The following CDH20 variants were observed in gnomAD, a reference collection of about 807,000 sequenced individuals.
CDH20 encodes the protein cadherin 20, also known as cadherin-20.
A neutral mutation model predicts 74.2 loss-of-function variants in CDH20; 29 were observed. That is an observed-to-expected ratio of 0.39 (90% confidence interval 0.29 to 0.53). CDH20 has a LOEUF of 0.53. CDH20 is among the 20% of genes least tolerant of loss of function. The pLI is 0.69. For missense variants in CDH20, 988 were observed against 1,048.3 expected (o/e 0.94, Z 0.79); for synonymous variants, 469 against 405.4 (o/e 1.16, Z -1.88).
At chr18:61,458,900 ATTTC>A (rs1463451204) in intron 1 of CDH20, among the ~76,000 whole-genome samples, 3 of 152,086 alleles carry the variant, frequency 2.0e-5, no homozygotes, top group African/African-American at 7.2e-5. Flanking sequence ...TGGCTTGTTG[ATTTC>A]TTTTATTATC....
At chr18:61,502,527 G>A (rs950581546) in intron 4 of CDH20, among the ~76,000 whole-genome samples, 10 of 152,102 alleles carry the variant, frequency 6.6e-5, no homozygotes, top group African/African-American at 2.4e-4. Flanking sequence ...GGGCTCTAGG[G>A]GCTGAAGAAA....
intron 11 of CDH20, 122 bp downstream of exon 11, chr18:61,550,351 T>C: frequency 8.1e-7 from 1 of 1,235,122 alleles, no homozygotes; most frequent in African/African-American, 1.5e-5. Flanking sequence ...ACTCAAAAGG[T>C]GGTAGAGTGA....
At chr18:61,340,897 TTTC>T (rs1279572952) in intron 1 of CDH20, among the ~76,000 whole-genome samples, 1 of 152,234 alleles carries the variant, frequency 6.6e-6, no homozygotes, top group African/African-American at 2.4e-5. Flanking sequence ...CAAATATATG[TTTC>T]TTTTTAATTT....
At chr18:61,447,604 T>G (rs1418282174) in intron 1 of CDH20, among the ~76,000 whole-genome samples, 2 of 152,224 alleles carry the variant, frequency 1.3e-5, no homozygotes, top group Non-Finnish European at 2.9e-5. Flanking sequence ...ATTAATTGCC[T>G]TTGAATTAAA....
At chr18:61,345,778 T>C (rs1910097438) in intron 1 of CDH20, among the ~76,000 whole-genome samples, 4 of 152,250 alleles carry the variant, frequency 2.6e-5, no homozygotes, top group Middle Eastern at 3.4e-3. Context: ...GTATGCAGGA[T>C]AGAGTGCGAA....
rs536702571 is a variant in CDH20, at chr18:61,401,393, C to A, written c.-153+67566C>A. Reference sequence around the variant, plus strand: ...TATTGGGTTCTATACATTAGTGACCCGTTTTTGTTGTTGTTGCTGTTGTTT... The same window carrying A: ...TATTGGGTTCTATACATTAGTGACCAGTTTTTGTTGTTGTTGCTGTTGTTT... On this transcript the variant is annotated intron_variant, in intron 1 of 11. Transcript: ENST00000262717. 2.6e-5 allele frequency among the ~76,000 whole-genome samples: 4 copies of A among 152,206 alleles called. No homozygotes were observed. The South Asian group carries it at 8.3e-4, about 32-fold the overall frequency.
At chr18:61,421,037 C>T (rs937350405) in intron 1 of CDH20, among the ~76,000 whole-genome samples, 3 of 152,104 alleles carry the variant, frequency 2.0e-5, no homozygotes, top group South Asian at 4.1e-4. Flanking sequence ...GGTGACAGAG[C>T]GATACTGTCT....
intron 1 of CDH20, among the ~76,000 whole-genome samples, chr18:61,420,237 T>C (rs931734887): frequency 2.6e-5 from 4 of 152,220 alleles, no homozygotes; most frequent in East Asian, 1.9e-4. Context: ...CATCAGCCCA[T>C]TGAGCTGTTT....
chr18:61,405,796 G>A (rs1912311329), intron 1 of CDH20, among the ~76,000 whole-genome samples: 1 of 152,178 alleles, frequency 6.6e-6, no homozygotes, highest in Non-Finnish European at 1.5e-5. Context: ...CCAGCAGCCT[G>A]TGTTAACAAG....
intron 1 of CDH20, among the ~76,000 whole-genome samples, chr18:61,336,759 G>A (rs1323539597): frequency 2.7e-5 from 4 of 147,202 alleles, no homozygotes; most frequent in East Asian, 2.1e-4. Context: ...AAGGAAAAAC[G>A]TAAAGAGACA....
intron 1 of CDH20, among the ~76,000 whole-genome samples, chr18:61,485,997 C>T (rs980664649): frequency 1.3e-5 from 2 of 152,086 alleles, no homozygotes. Context: ...GGCGTGAACC[C>T]GGGAGGCGGA....
At chr18:61,520,954 G>A (rs993332105) in intron 6 of CDH20, among the ~76,000 whole-genome samples, 3 of 151,190 alleles carry the variant, frequency 2.0e-5, no homozygotes, top group African/African-American at 4.9e-5. Flanking sequence ...AACACTAAAT[G>A]CCCACAGGAG....
intron 1 of CDH20, among the ~76,000 whole-genome samples, chr18:61,466,592 A>ATTAAGTCC (rs1227209313): frequency 6.6e-6 from 1 of 152,112 alleles, no homozygotes; most frequent in Admixed American, 6.5e-5. Context: ...AGTCCATGGA[A>ATTAAGTCC]ATCTCTCAAT....
chr18:61,372,488 C>G (rs1911077066), intron 1 of CDH20, among the ~76,000 whole-genome samples: 1 of 152,058 alleles, frequency 6.6e-6, no homozygotes, highest in Non-Finnish European at 1.5e-5. Context: ...TTTAAATTCT[C>G]CCTAGGGAGC....
chr18:61,455,020 T>C (rs1909525429), intron 1 of CDH20, among the ~76,000 whole-genome samples: 1 of 152,200 alleles, frequency 6.6e-6, no homozygotes. Flanking sequence ...TCCAAGGCAG[T>C]AAAACCAGGA....
At chr18:61,499,584 A>C (rs762550725) in intron 3 of CDH20, 104 bp downstream of exon 3, 3 of 926,104 alleles carry the variant, frequency 3.2e-6, no homozygotes, top group Admixed American at 2.7e-5. Flanking sequence ...ACATATATTC[A>C]GAACAGGAGA....
intron 11 of CDH20, among the ~76,000 whole-genome samples, chr18:61,550,787 G>A (rs143515233): frequency 1.3e-5 from 2 of 152,200 alleles, no homozygotes; most frequent in Admixed American, 6.5e-5. Flanking sequence ...TACAGGAAGG[G>A]AAGAGGGATA....
chr18:61,441,050 T>C (rs535617141), intron 1 of CDH20, among the ~76,000 whole-genome samples: 3 of 152,254 alleles, frequency 2.0e-5, no homozygotes, highest in East Asian at 3.9e-4. Context: ...AAACAGAATA[T>C]AGTGAACATT....
chr18:61,349,994 T>A (rs1910253279), intron 1 of CDH20, among the ~76,000 whole-genome samples: 1 of 152,150 alleles, frequency 6.6e-6, no homozygotes. Context: ...AATCACTGCA[T>A]GTTGTTTGGA....
Sources: gnomAD v4.1 joint callset for allele counts (sites outside exome capture counted in the v4.1 genomes callset) on GRCh38, gnomAD v4.1.1 for gene constraint, MANE v1.5 for transcripts, NCBI Gene and HGNC (gene_info 2026-07-23, HGNC 2026-07-21) for gene names.